Variants in LBHD1 observed in about 807,000 individuals in gnomAD.
The protein encoded by LBHD1 is LBH domain-containing protein 1.
Under a neutral mutation model 31.1 loss-of-function variants are expected in LBHD1, and 28 were observed. The observed-to-expected ratio is 0.90, with a 90% CI of 0.67 to 1.24. The LOEUF is 1.24. Ranked by LOEUF, LBHD1 falls within the 50% of genes most tolerant of loss-of-function variation. The probability of loss-of-function intolerance (pLI) is 0.00; values close to 1 mark genes in which losing one functional copy is unlikely to be tolerated. For missense variants in LBHD1, 350 were observed against 323.0 expected (o/e 1.08, Z -0.64); for synonymous variants, 105 against 116.5 (o/e 0.90, Z 0.63).
At chr11:62,666,304 T>A (rs1222878646) in intron 4 of LBHD1, 1 of 1,329,228 alleles carries the variant, frequency 7.5e-7, no homozygotes, top group Non-Finnish European at 1.1e-6. Context: ...AGTGAGACCC[T>A]GTCTCAAAAA....
intron 5 of LBHD1, among the ~76,000 whole-genome samples, chr11:62,664,236 T>C (rs1003659267): frequency 1.3e-5 from 2 of 151,918 alleles, no homozygotes; most frequent in East Asian, 3.8e-4. Context: ...TGTGCACTTT[T>C]CTGTATGTAA....
chr11:62,665,203 T>C, intron 4 of LBHD1: 1 of 799,308 alleles, frequency 1.3e-6, no homozygotes, highest in South Asian at 1.4e-5. Flanking sequence ...CGGTCCGTAC[T>C]TCCGCTCAGC....
chr11:62,672,116 A>C lies in LBHD1; in HGVS notation c.-563T>G. The C allele has an allele frequency of 6.4e-7, 1 of 1,569,754 alleles. No individual in the cohort carries two copies. The highest frequency in any genetic ancestry group is 8.6e-7 in the Non-Finnish European group (1 of 1,158,816). On this transcript the variant is annotated 5_prime_UTR_variant, in exon 1 of 7. Transcript: ENST00000354588. ...GGCGCCGGCGGGAGGTCACCGTGAGACCGGACTTGCCTCCGTGGGCGCCGG... is the reference window on the plus strand; with the variant it reads ...GGCGCCGGCGGGAGGTCACCGTGAGCCCGGACTTGCCTCCGTGGGCGCCGG...
chr11:62,671,734 G>C lies in LBHD1; in HGVS notation c.-181C>G. ...AGCTCCCGTGGGCGCTCCGCTGGCTGTGCAGGCGGCCATGGATTCCTTGCG... is the reference window on the plus strand; with the variant it reads ...AGCTCCCGTGGGCGCTCCGCTGGCTCTGCAGGCGGCCATGGATTCCTTGCG... On this transcript the variant is annotated 5_prime_UTR_variant, in exon 1 of 7. Coordinates refer to ENST00000354588, the MANE Select transcript of LBHD1 (RefSeq NM_024099.5). The C allele has an allele frequency of 6.2e-7, 1 of 1,612,774 alleles. No individual in the cohort carries two copies. The highest frequency in any genetic ancestry group is 1.1e-5 in the South Asian group (1 of 91,060).
chr11:62,663,121 G>A lies in LBHD1; in HGVS notation c.*8C>T. On this transcript the variant is annotated 3_prime_UTR_variant, in exon 7 of 7. Coordinates refer to ENST00000354588, the MANE Select transcript of LBHD1 (RefSeq NM_024099.5). ...TTTGTCTTCTTTTGCCTTTTGAGCT[G>A]TGGTTCACTAGTCCTGGCTGGCTTT... is the stretch of plus-strand genomic sequence containing the variant. 6.2e-7 allele frequency: 1 copy of A among 1,614,066 alleles called. No homozygotes were observed.
In LBHD1 at chr11:62,667,630, C is replaced by T. The variant is rs773862019; in HGVS notation, c.431G>A (p.Cys144Tyr). 1.2e-6 allele frequency: 2 copies of T among 1,614,062 alleles called. No individual in the cohort carries two copies. Among genetic ancestry groups the T allele is most frequent in the African/African-American group, 1.3e-5 (1 of 74,910 alleles). Residue 144 changes from cysteine to tyrosine, a missense_variant, in exon 4 of 7, where the codon TGT becomes TAT. By Grantham distance (194) the Cys-to-Tyr change is radical (BLOSUM62 -2). Transcript: ENST00000354588. The part of the protein sequence containing the change: ...DACWILEDTA[C>Y]LEATNHCPFW... ...GGGACAGTGGTTGGTGGCTTCCAGA[C>T]ATGCTGTGTCCTCAAGAATCCAACA...
chr11:62,663,458 G>A (rs1213072991), intron 5 of LBHD1, 125 bp from the exon 6 acceptor site: 37 of 977,796 alleles, frequency 3.8e-5, no homozygotes, highest in South Asian at 2.4e-4. Flanking sequence ...TGTAATCCCA[G>A]CACTTTGGGA....
intron 4 of LBHD1, chr11:62,666,020 G>A (rs1944799285): frequency 2.0e-6 from 3 of 1,492,734 alleles, no homozygotes; most frequent in East Asian, 4.6e-5. Flanking sequence ...TTCCTCGTGA[G>A]TCAGGAGTGT....
chr11:62,663,711 G>T (rs920467019), intron 5 of LBHD1, among the ~76,000 whole-genome samples: 28 of 148,570 alleles, frequency 1.9e-4, no homozygotes, highest in Admixed American at 1.3e-3. Flanking sequence ...AAAAAAAAAG[G>T]AAAAGTATTA....
At position 62,664,990 on chromosome 11, in the gene LBHD1, T is replaced by C; in HGVS notation, c.539-17A>G. 6.2e-7 allele frequency: 1 copy of C among 1,608,622 alleles called. No individual in the cohort carries two copies. The highest frequency in any genetic ancestry group is 2.2e-5 in the East Asian group (1 of 44,860). ...CTTCAGCTCCTGCCGGGGAGAAAGA[T>C]GCGAATCAGATGGAGTGGGCTCGCC... On this transcript the variant is annotated splice_polypyrimidine_tract_variant and intron_variant, in intron 4 of 6. Transcript: ENST00000354588.
At chr11:62,666,259 A>G in intron 4 of LBHD1, 2 of 891,872 alleles carry the variant, frequency 2.2e-6, no homozygotes, top group Middle Eastern at 2.2e-4. Flanking sequence ...TCAGTGAGCC[A>G]TCATTGTGCT....
chr11:62,664,892 T>C lies in LBHD1; in HGVS notation c.620A>G (p.Asp207Gly). The change falls in exon 5 of 7, where the codon GAT becomes GGT. Residue 207 changes from aspartate (D) to glycine (G), a missense_variant. Coordinates refer to ENST00000354588, the MANE Select transcript of LBHD1 (RefSeq NM_024099.5). ...TGCCGCGTGATCAGCCCTTGGTCTA[T>C]CACAGCCCCGACCACCCGGTGCCTC... Reference protein sequence around the residue: ...ASEAPGGRGCDRPRADHAAPP... With the variant: ...ASEAPGGRGCGRPRADHAAPP... The C allele has an allele frequency of 6.3e-7, 1 of 1,590,394 alleles. No homozygotes were observed. Among genetic ancestry groups the C allele is most frequent in the Non-Finnish European group, 8.6e-7 (1 of 1,168,586 alleles).
intron 5 of LBHD1, 113 bp downstream of exon 5, chr11:62,664,736 C>G (rs1944747724): frequency 5.2e-6 from 7 of 1,355,474 alleles, no homozygotes; most frequent in Non-Finnish European, 7.0e-6. Flanking sequence ...AGACATTCCC[C>G]GCATAAGCGT....
chr11:62,664,016 T>A (rs1035184334), intron 5 of LBHD1, among the ~76,000 whole-genome samples: 4 of 136,386 alleles, frequency 2.9e-5, no homozygotes, highest in African/African-American at 1.1e-4. Context: ...GGGGTTGCAG[T>A]GAGCCGAGAT....
Position 62,662,846 on chromosome 11 carries a change from A to G in LBHD1, c.*283T>C. Reference sequence around the variant, plus strand: ...AGTGCTAGGGCTTTATTACAAATGGAGTTGACTGCTAGAGAGGCCCTTCTC... The same window carrying G: ...AGTGCTAGGGCTTTATTACAAATGGGGTTGACTGCTAGAGAGGCCCTTCTC... On this transcript the variant is annotated 3_prime_UTR_variant, in exon 7 of 7. Coordinates refer to ENST00000354588, the MANE Select transcript of LBHD1 (RefSeq NM_024099.5). The G allele has an allele frequency of 1.9e-6, 1 of 533,392 alleles. No homozygotes were observed. The highest frequency in any genetic ancestry group is 2.4e-5 in the South Asian group (1 of 41,798). 33.0% of individuals were successfully genotyped at this position (533,392 alleles called of 1,614,324 possible).
chr11:62,665,672 C>T (rs866507432), intron 4 of LBHD1: 2 of 1,465,574 alleles, frequency 1.4e-6, no homozygotes, highest in East Asian at 4.9e-5. Flanking sequence ...ATACCCTCCT[C>T]CACTTCCCGC....
chr11:62,669,388 C>T (rs1209977552), intron 3 of LBHD1: 7 of 980,884 alleles, frequency 7.1e-6, no homozygotes, highest in South Asian at 4.7e-5. Context: ...CAGAGCGAGA[C>T]TCAGTCTCAA....
At chr11:62,669,036 C>T (rs1383220235) in intron 3 of LBHD1, among the ~76,000 whole-genome samples, 1 of 151,010 alleles carries the variant, frequency 6.6e-6, no homozygotes, top group African/African-American at 2.4e-5. Context: ...ACGCCATTCT[C>T]CTGCCTCCCG....
intron 5 of LBHD1, among the ~76,000 whole-genome samples, chr11:62,663,773 A>G (rs1187556952): frequency 6.6e-6 from 1 of 151,486 alleles, no homozygotes; most frequent in Non-Finnish European, 1.5e-5. Flanking sequence ...ACATTGAAGA[A>G]GCTAATGAAA....
Sources: allele counts gnomAD v4.1 joint callset (sites outside exome capture counted in the v4.1 genomes callset), GRCh38; gene constraint gnomAD v4.1.1; transcripts MANE v1.5; gene names NCBI Gene and HGNC (gene_info 2026-07-23, HGNC 2026-07-21).